VRK2: variants seen among roughly 807,000 people sequenced by gnomAD.
The protein encoded by VRK2 is serine/threonine-protein kinase VRK2.
Under a neutral mutation model 57.6 loss-of-function variants are expected in VRK2, and 60 were observed. That is an observed-to-expected ratio of 1.04 (90% CI 0.85 to 1.29). VRK2 has a LOEUF of 1.29. VRK2 is among the 50% of genes most tolerant of loss of function. VRK2 has a pLI of 0.00. For synonymous variants in VRK2, 231 were observed against 199.2 expected (o/e 1.16, Z -1.35); for missense variants, 705 against 588.1 (o/e 1.20, Z -2.06).
intron 2 of VRK2, among the ~76,000 whole-genome samples, chr2:58,049,486 T>C (rs1675382807): frequency 2.0e-5 from 3 of 152,140 alleles, no homozygotes; most frequent in African/African-American, 4.8e-5. Flanking sequence ...CTTGGGATAA[T>C]TGAAAAAATA....
At chr2:58,104,562 A>G (rs571222944) in intron 7 of VRK2, among the ~76,000 whole-genome samples, 3 of 151,924 alleles carry the variant, frequency 2.0e-5, no homozygotes, top group Non-Finnish European at 4.4e-5. Flanking sequence ...AATAAATTGT[A>G]GATGACACAA....
chr2:57,980,926 T>A (rs749173536), intron 1 of VRK2, among the ~76,000 whole-genome samples: 1 of 152,164 alleles, frequency 6.6e-6, no homozygotes, highest in Non-Finnish European at 1.5e-5. Flanking sequence ...ATGGGTGTCA[T>A]TGCATATGAG....
At chr2:58,036,953 T>G (rs1051299170) in intron 3 of VRK2, among the ~76,000 whole-genome samples, 1 of 152,058 alleles carries the variant, frequency 6.6e-6, no homozygotes, top group Non-Finnish European at 1.5e-5. Flanking sequence ...TAATTAATTT[T>G]TTTTTGACAG....
At chr2:58,076,812 C>G (rs755680700) in intron 2 of VRK2, among the ~76,000 whole-genome samples, 11 of 151,442 alleles carry the variant, frequency 7.3e-5, no homozygotes, top group Non-Finnish European at 1.5e-4. Context: ...TTGAATATCA[C>G]CTATTTTGTT....
At chr2:57,916,132 C>T (rs11887238) in intron 1 of VRK2, among the ~76,000 whole-genome samples, 4 of 152,080 alleles carry the variant, frequency 2.6e-5, no homozygotes, top group Admixed American at 2.0e-4. Flanking sequence ...CAAGGGCGGG[C>T]GCGGTGGCTC....
intron 12 of VRK2, among the ~76,000 whole-genome samples, chr2:58,153,673 C>G (rs1683375646): frequency 6.6e-6 from 1 of 151,932 alleles, no homozygotes; most frequent in South Asian, 2.1e-4. Flanking sequence ...CTGTTGTTAT[C>G]TTTTTATTCT....
At chr2:57,986,127 G>A (rs955695313) in intron 1 of VRK2, among the ~76,000 whole-genome samples, 2 of 151,908 alleles carry the variant, frequency 1.3e-5, no homozygotes, top group South Asian at 4.1e-4. Flanking sequence ...TGTTCTACTT[G>A]GGAGAGAAGC....
chr2:58,052,502 C>T lies in VRK2; in HGVS notation c.136+3535C>T, dbSNP rs545584010. Among the ~76,000 whole-genome samples the T allele has an allele frequency of 4.6e-5, 7 of 151,086 alleles. No individual in the cohort carries two copies. The East Asian group carries it at 1.2e-3, about 25-fold the overall frequency. ...GTGTGTAGTCCCAGTACTCAGGAGGCTGTGGCATGAGAATTGCTTGAACCT... is the reference window on the plus strand; with the variant it reads ...GTGTGTAGTCCCAGTACTCAGGAGGTTGTGGCATGAGAATTGCTTGAACCT... On this transcript the variant is annotated intron_variant, in intron 2 of 12. Coordinates refer to ENST00000340157, the MANE Select transcript of VRK2 (RefSeq NM_006296.7).
intron 7 of VRK2, among the ~76,000 whole-genome samples, chr2:58,092,417 G>A (rs1296921460): frequency 6.6e-6 from 1 of 152,150 alleles, no homozygotes; most frequent in African/African-American, 2.4e-5. Context: ...TTCACCTGTT[G>A]ATGGCTATCT....
At chr2:57,927,202 C>T (rs1181835323) in intron 1 of VRK2, among the ~76,000 whole-genome samples, 1 of 150,988 alleles carries the variant, frequency 6.6e-6, no homozygotes, top group Non-Finnish European at 1.5e-5. Flanking sequence ...TTTGTTGTTT[C>T]TATTTATATT....
chr2:58,049,875 A>T (rs1292628582), intron 2 of VRK2, among the ~76,000 whole-genome samples: 2 of 152,156 alleles, frequency 1.3e-5, no homozygotes, highest in African/African-American at 2.4e-5. Flanking sequence ...TAAAATTAAG[A>T]TTGTAGTTTT....
At chr2:58,112,584 A>AACT (rs1553411193) in intron 7 of VRK2, among the ~76,000 whole-genome samples, 1 of 151,736 alleles carries the variant, frequency 6.6e-6, no homozygotes, top group African/African-American at 2.4e-5. Context: ...AGGAAAAAAA[A>AACT]AAAAGGCCTA....
chr2:57,921,347 G>C lies in VRK2; in HGVS notation c.-439+13508G>C, dbSNP rs191427455. Among the ~76,000 whole-genome samples the C allele has an allele frequency of 3.2e-3, 483 of 151,306 alleles. 3 individuals carry two copies. Among genetic ancestry groups the C allele is most frequent in the African/African-American group, 0.011 (459 of 41,212 alleles). On this transcript the variant is annotated intron_variant, in intron 1 of 15. Coordinates refer to the VRK2 transcript ENST00000417641. ...ACACATTTTTAATCCACTGCCTATA[G>C]CTTTGCCTCACCAAACAGTTGATCT...
At chr2:58,136,407 CAG>C (rs1573325662) in intron 10 of VRK2, among the ~76,000 whole-genome samples, 1 of 148,108 alleles carries the variant, frequency 6.8e-6, no homozygotes, top group African/African-American at 2.5e-5. Context: ...TTTTTTGAGA[CAG>C]AGTCTCGCTC....
chr2:57,933,662 T>G (rs1670812568), intron 1 of VRK2, among the ~76,000 whole-genome samples: 1 of 78,652 alleles, frequency 1.3e-5, no homozygotes, highest in African/African-American at 9.3e-5. Context: ...GTTTTTGGGT[T>G]GTTTTTTTTT....
intron 11 of VRK2, among the ~76,000 whole-genome samples, chr2:58,142,153 A>C (rs1681442922): frequency 6.6e-6 from 1 of 152,006 alleles, no homozygotes; most frequent in South Asian, 2.1e-4. Flanking sequence ...CAAGGGAAAA[A>C]AGTTGTAACT....
At chr2:58,055,414 A>G (rs552845976) in intron 2 of VRK2, among the ~76,000 whole-genome samples, 1 of 152,364 alleles carries the variant, frequency 6.6e-6, no homozygotes, top group Non-Finnish European at 1.5e-5. Flanking sequence ...TTAGAAGTTG[A>G]TTAATTTTGA....
chr2:58,132,450 A>AC (rs1679353978), intron 9 of VRK2, among the ~76,000 whole-genome samples: 1 of 152,210 alleles, frequency 6.6e-6, no homozygotes, highest in African/African-American at 2.4e-5. Flanking sequence ...AGCCACATAA[A>AC]CATTTTTAAT....
chr2:58,003,562 T>C (rs571249385), intron 1 of VRK2, among the ~76,000 whole-genome samples: 81 of 152,292 alleles, frequency 5.3e-4, no homozygotes, highest in Admixed American at 6.5e-4. Flanking sequence ...CAAATTATTT[T>C]TAGCATAATT....
Sources: allele counts gnomAD v4.1 joint callset (sites outside exome capture counted in the v4.1 genomes callset), GRCh38; gene constraint gnomAD v4.1.1; transcripts MANE v1.5; gene names NCBI Gene and HGNC (gene_info 2026-07-23, HGNC 2026-07-21).